The following INVS variants were observed in gnomAD, a reference collection of about 807,000 sequenced individuals.
INVS encodes inversion of embryo turning homolog.
Under a neutral mutation model 108.8 loss-of-function variants are expected in INVS, and 86 were observed. The ratio of observed to expected loss-of-function variants is 0.79; its 90% CI spans 0.66 to 0.95. INVS has a LOEUF of 0.95. INVS is among the 40% of genes least tolerant of loss of function. The pLI, the probability that INVS is intolerant of heterozygous loss-of-function variation, is 0.00. For synonymous variants in INVS, 455 were observed against 473.5 expected (o/e 0.96, Z 0.51); for missense variants, 1,169 against 1,297.4 (o/e 0.90, Z 1.52).
chr9:100,300,551 G>C lies in INVS; in HGVS notation c.3092-17G>C. 1.4e-6 allele frequency: 2 copies of C among 1,437,312 alleles called. No individual in the cohort carries two copies. The highest frequency in any genetic ancestry group is 2.0e-6 in the Non-Finnish European group (2 of 1,019,032). 89.0% of individuals were successfully genotyped at this position (1,437,312 alleles called of 1,614,324 possible). On this transcript the variant is annotated splice_polypyrimidine_tract_variant and intron_variant, in intron 16 of 16. Coordinates refer to ENST00000262457, the MANE Select transcript of INVS (RefSeq NM_014425.5). ...AATTAATAACCTTAATATCTATCTG[G>C]TATTTGTTTTTAACAGTGAGCAACC...
intron 11 of INVS, among the ~76,000 whole-genome samples, chr9:100,271,135 A>G (rs981435012): frequency 1.3e-5 from 2 of 152,184 alleles, no homozygotes. Context: ...TGAGACAGCT[A>G]GTTTTCCTCC....
chr9:100,139,401 T>A (rs1055273762), intron 3 of INVS, among the ~76,000 whole-genome samples: 1 of 152,172 alleles, frequency 6.6e-6, no homozygotes, highest in Admixed American at 6.5e-5. Flanking sequence ...CTTTCAGAGG[T>A]CTCATCTACT....
intron 3 of INVS, among the ~76,000 whole-genome samples, chr9:100,163,791 T>G (rs1299346066): frequency 6.6e-6 from 1 of 152,182 alleles, no homozygotes; most frequent in Non-Finnish European, 1.5e-5. Flanking sequence ...GCTTTGTATT[T>G]ACAAGAAACA....
At chr9:100,280,841 C>G (rs952261405) in intron 12 of INVS, among the ~76,000 whole-genome samples, 1 of 152,016 alleles carries the variant, frequency 6.6e-6, no homozygotes, top group African/African-American at 2.4e-5. Context: ...TAATCCCAGC[C>G]CTTTGAGAGG....
chr9:100,153,656 A>G (rs557826748), intron 3 of INVS, among the ~76,000 whole-genome samples: 1 of 152,348 alleles, frequency 6.6e-6, no homozygotes, highest in South Asian at 2.1e-4. Flanking sequence ...TGGGTAATTT[A>G]TAAGGAAGGA....
chr9:100,265,164 C>T (rs1832751053), intron 11 of INVS, among the ~76,000 whole-genome samples: 1 of 151,912 alleles, frequency 6.6e-6, no homozygotes, highest in Non-Finnish European at 1.5e-5. Flanking sequence ...AGGGAGGTCT[C>T]GAACTCCTCA....
intron 3 of INVS, among the ~76,000 whole-genome samples, chr9:100,195,150 A>G (rs548026748): frequency 3.3e-4 from 51 of 152,332 alleles, no homozygotes; most frequent in South Asian, 2.1e-4. Flanking sequence ...CTCACAAAAC[A>G]TGGTAAAGAA....
chr9:100,298,023 C>T lies in INVS; in HGVS notation c.3091+13C>T. On this transcript the variant is annotated intron_variant, in intron 16 of 16. Coordinates refer to ENST00000262457, the MANE Select transcript of INVS (RefSeq NM_014425.5). ...CGTCTCAACTCAGGTAAGGCAGCCACTGCAAAGCAGATGGTGGGGAAGAAC... is the reference window on the plus strand; with the variant it reads ...CGTCTCAACTCAGGTAAGGCAGCCATTGCAAAGCAGATGGTGGGGAAGAAC... 6.2e-7 allele frequency: 1 copy of T among 1,614,148 alleles called. No individual in the cohort carries two copies. The highest frequency in any genetic ancestry group is 8.5e-7 in the Non-Finnish European group (1 of 1,179,982).
At position 100,284,484 on chromosome 9, in the gene INVS, C is replaced by A. The variant is rs1340602667; in HGVS notation, c.1949C>A (p.Ala650Asp). Residue 650 changes from alanine to aspartate, a missense_variant, in exon 13 of 17, where the codon GCC becomes GAC. Ala to Asp is a moderately radical substitution (Grantham distance 126). Transcript: ENST00000262457. ...PSKQPPAGNV[A>D]QGPEPRDSRG... The stretch of plus-strand genomic sequence containing the variant: ...AAGCAGCCTCCTGCTGGCAACGTGG[C>A]CCAAGGCCCTGAGCCAAGAGACAGC... 6.2e-7 allele frequency: 1 copy of A among 1,614,016 alleles called. No homozygotes were observed. Among genetic ancestry groups the A allele is most frequent in the Non-Finnish European group, 8.5e-7 (1 of 1,180,006 alleles).
At chr9:100,235,023 A>G (rs1460013499) in intron 5 of INVS, among the ~76,000 whole-genome samples, 2 of 152,174 alleles carry the variant, frequency 1.3e-5, no homozygotes, top group African/African-American at 4.8e-5. Flanking sequence ...GTCTCAAAGA[A>G]CTTGCTTTAT....
chr9:100,163,016 T>C (rs778007509), intron 3 of INVS, among the ~76,000 whole-genome samples: 8 of 152,052 alleles, frequency 5.3e-5, no homozygotes, highest in Non-Finnish European at 1.2e-4. Flanking sequence ...TACAGAGCCT[T>C]GTGAACCTAA....
intron 16 of INVS, 41 bp downstream of exon 16, chr9:100,298,051 G>A (rs750379411): frequency 6.2e-7 from 1 of 1,613,932 alleles, no homozygotes; most frequent in South Asian, 1.1e-5. Context: ...GGAAGAACAT[G>A]GGGAAGCATT....
intron 3 of INVS, among the ~76,000 whole-genome samples, chr9:100,146,952 T>C (rs967347434): frequency 7.1e-6 from 1 of 140,700 alleles, no homozygotes; most frequent in African/African-American, 2.5e-5. Flanking sequence ...TTGTCCTTCA[T>C]CAACTTATGG....
Position 100,293,019 on chromosome 9 carries a change from C to CA in INVS, c.2763dup (p.Val922SerfsTer81). The CA allele has an allele frequency of 6.2e-7, 1 of 1,614,024 alleles. No homozygotes were observed. The highest frequency in any genetic ancestry group is 8.5e-7 in the Non-Finnish European group (1 of 1,180,030). ...TTTCGCAAAAAGAACAAGGCAGCAG[C>CA]AGTCATCCAGCGCGCCTGGCGAAGG... On this transcript the variant is annotated frameshift_variant, in exon 14 of 17. Coordinates refer to ENST00000262457, the MANE Select transcript of INVS (RefSeq NM_014425.5). LOFTEE classifies it high-confidence loss of function.
intron 5 of INVS, among the ~76,000 whole-genome samples, chr9:100,230,347 A>G (rs773293524): frequency 4.6e-5 from 7 of 152,138 alleles, no homozygotes; most frequent in Non-Finnish European, 8.8e-5. Context: ...TTGTGTTATC[A>G]TTCCCCTGAT....
At chr9:100,188,144 C>T (rs377174251) in intron 3 of INVS, among the ~76,000 whole-genome samples, 2 of 152,188 alleles carry the variant, frequency 1.3e-5, no homozygotes, top group Admixed American at 6.5e-5. Context: ...TTGACCTTCT[C>T]ATTTCCAATT....
chr9:100,186,045 C>T (rs954496368), intron 3 of INVS, among the ~76,000 whole-genome samples: 7 of 152,258 alleles, frequency 4.6e-5, no homozygotes, highest in African/African-American at 9.6e-5. Context: ...TTACTTTCCT[C>T]GGGGTAAATA....
chr9:100,272,590 C>A (rs1338281195), intron 11 of INVS, among the ~76,000 whole-genome samples: 2 of 152,140 alleles, frequency 1.3e-5, no homozygotes, highest in Non-Finnish European at 1.5e-5. Context: ...TCATGTCTTT[C>A]CAATAGGCCC....
Position 100,290,327 on chromosome 9 carries a change from ATATAGG to A in INVS, c.2069-1994_2069-1989del, listed in dbSNP as rs1259627150. On this transcript the variant is annotated intron_variant, in intron 13 of 16. Coordinates refer to ENST00000262457, the MANE Select transcript of INVS (RefSeq NM_014425.5). ...ATATTTCTTTTTCACAAATGAGCAGATATAGGTATATTTTCTTATATCCCTTTCTTT... is the reference window on the plus strand; with the variant it reads ...ATATTTCTTTTTCACAAATGAGCAGATATATTTTCTTATATCCCTTTCTTT... Among the ~76,000 whole-genome samples, 5 of 152,274 alleles carry A rather than the reference ATATAGG, an allele frequency of 3.3e-5. No individual in the cohort carries two copies. The East Asian group carries it at 7.7e-4, about 23-fold the overall frequency.
Sources: gnomAD v4.1 joint callset for allele counts (sites outside exome capture counted in the v4.1 genomes callset) on GRCh38, gnomAD v4.1.1 for gene constraint, MANE v1.5 for transcripts, NCBI Gene and HGNC (gene_info 2026-07-23, HGNC 2026-07-21) for gene names.